The following COMMD6 variants were observed in gnomAD, a reference collection of about 807,000 sequenced individuals.
The protein encoded by COMMD6 is COMM domain containing 6, also known as COMM domain-containing protein 6.
A neutral mutation model predicts 13.4 loss-of-function variants in COMMD6; 11 were observed. That is an observed-to-expected ratio of 0.82 (90% CI 0.52 to 1.36). COMMD6 has a LOEUF of 1.36. COMMD6 is among the 40% of genes most tolerant of loss of function. COMMD6 has a pLI of 0.00. For missense variants in COMMD6, 124 were observed against 102.4 expected (o/e 1.21, Z -0.91); for synonymous variants, 43 against 36.5 (o/e 1.18, Z -0.64).
At chr13:75,527,068 A>G (rs1356662703) in intron 3 of COMMD6, among the ~76,000 whole-genome samples, 1 of 152,214 alleles carries the variant, frequency 6.6e-6, no homozygotes, top group East Asian at 1.9e-4. Flanking sequence ...GAGATCCAAC[A>G]TTAACTATGG....
At chr13:75,534,531 G>T (rs1454105827) in intron 2 of COMMD6, among the ~76,000 whole-genome samples, 1 of 152,092 alleles carries the variant, frequency 6.6e-6, no homozygotes, top group Non-Finnish European at 1.5e-5. Flanking sequence ...AAAAATAAAA[G>T]AATATAAAAG....
upstream of COMMD6, among the ~76,000 whole-genome samples, chr13:75,539,368 T>C (rs545238421): frequency 6.6e-6 from 1 of 152,102 alleles, no homozygotes; most frequent in East Asian, 1.9e-4. Context: ...CCTTTTTGAG[T>C]AGCTGAGATT....
At chr13:75,546,399 G>C (rs1242613983) in intron 1 of COMMD6, among the ~76,000 whole-genome samples, 1 of 152,176 alleles carries the variant, frequency 6.6e-6, no homozygotes, top group Non-Finnish European at 1.5e-5. Context: ...GCTTATTTCA[G>C]TTTAAGGTTG....
rs76020693 is a variant in COMMD6, at chr13:75,530,025, A to G, written c.207+89T>C. On this transcript the variant is annotated intron_variant, in intron 3 of 3. Transcript: ENST00000682242. ...TATCAATCTACAAATAAAAACCATT[A>G]AAGTTTTCCCGTAGAAAGATTTTAT... The G allele has an allele frequency of 1.5e-3, 1,576 of 1,046,830 alleles. 27 individuals carry two copies. In the East Asian group the frequency reaches 0.032, roughly 21 times the overall value. 64.8% of individuals were successfully genotyped at this position (1,046,830 alleles called of 1,614,324 possible).
At chr13:75,545,823 T>C (rs1199818842) in intron 1 of COMMD6, among the ~76,000 whole-genome samples, 1 of 152,170 alleles carries the variant, frequency 6.6e-6, no homozygotes, top group Non-Finnish European at 1.5e-5. Context: ...GTGACTCAGT[T>C]GTTTTTGCAG....
chr13:75,545,423 A>G (rs1360108297), intron 1 of COMMD6, among the ~76,000 whole-genome samples: 1 of 151,972 alleles, frequency 6.6e-6, no homozygotes, highest in Non-Finnish European at 1.5e-5. Context: ...TCACATTTAC[A>G]TCAGGAATTA....
In COMMD6 at chr13:75,525,980, T is replaced by C. The variant is rs1351201695; in HGVS notation, c.*609A>G. 6.6e-6 allele frequency: 1 copy of C among 152,244 alleles called. No individual in the cohort carries two copies. Among genetic ancestry groups the C allele is most frequent in the African/African-American group, 2.4e-5 (1 of 41,472 alleles). The allele number at this position is 152,244 out of a possible 1,614,324, so 9.4% of individuals were successfully genotyped here. A position where few individuals can be genotyped will look rare whatever the true frequency, so the allele number is the denominator to read the frequency against. On this transcript the variant is annotated 3_prime_UTR_variant, in exon 4 of 4. Coordinates refer to ENST00000682242, the MANE Select transcript of COMMD6 (RefSeq NM_203495.4). ...TACAGAACTCAGACTAAAACTCGTC[T>C]TTCCAACTCTGCGTATGTATTTGAA...
chr13:75,542,683 C>T (rs553219627), upstream of COMMD6, among the ~76,000 whole-genome samples: 7 of 152,302 alleles, frequency 4.6e-5, no homozygotes, highest in Admixed American at 2.0e-4. Context: ...AATTAGCTGA[C>T]TTTAAAAGGA....
At chr13:75,539,481 C>T (rs2030788576), upstream of COMMD6, among the ~76,000 whole-genome samples, 2 of 151,994 alleles carry the variant, frequency 1.3e-5, no homozygotes, top group African/African-American at 4.8e-5. Context: ...CTCACGTAAT[C>T]CACCCACCTC....
At chr13:75,531,510 A>G (rs926099855) in intron 2 of COMMD6, among the ~76,000 whole-genome samples, 4 of 61,564 alleles carry the variant, frequency 6.5e-5, no homozygotes, top group Non-Finnish European at 1.3e-4. Flanking sequence ...AAAGGTTAAC[A>G]TCTTTTATAA....
At position 75,526,488 on chromosome 13, in the gene COMMD6, T is replaced by G; in HGVS notation, c.*101A>C. ...AAAAAAATGGAAAAACAAAAGTGCATTTTTCATTCAATAAATGTTCCATCC... is the reference window on the plus strand; with the variant it reads ...AAAAAAATGGAAAAACAAAAGTGCAGTTTTCATTCAATAAATGTTCCATCC... On this transcript the variant is annotated 3_prime_UTR_variant, in exon 4 of 4. Transcript: ENST00000682242. 2.4e-6 allele frequency: 2 copies of G among 827,210 alleles called. No individual in the cohort carries two copies. Among genetic ancestry groups the G allele is most frequent in the Non-Finnish European group, 3.9e-6 (2 of 517,688 alleles). 51.2% of individuals were successfully genotyped at this position (827,210 alleles called of 1,614,324 possible).
intron 2 of COMMD6, among the ~76,000 whole-genome samples, chr13:75,533,199 T>C (rs184202849): frequency 1.6e-4 from 24 of 152,170 alleles, no homozygotes; most frequent in Non-Finnish European, 2.6e-4. Context: ...CCCAAAGTGC[T>C]GGGATTACAG....
chr13:75,541,479 G>A (rs1355500037), upstream of COMMD6, among the ~76,000 whole-genome samples: 1 of 151,914 alleles, frequency 6.6e-6, no homozygotes, highest in Non-Finnish European at 1.5e-5. Context: ...ACAGCCTTAT[G>A]ACTCATGATC....
At position 75,537,819 on chromosome 13, in the gene COMMD6, G is replaced by T. The variant is rs755419276; in HGVS notation, c.-14C>A. 3 of 1,592,600 alleles carry T rather than the reference G, an allele frequency of 1.9e-6. No individual in the cohort carries two copies. The highest frequency in any genetic ancestry group is 2.7e-5 in the African/African-American group (2 of 74,516). On this transcript the variant is annotated 5_prime_UTR_variant, in exon 1 of 4. Coordinates refer to ENST00000682242, the MANE Select transcript of COMMD6 (RefSeq NM_203495.4). ...GGACGCCTCCATGGGCAGCGTCTGG[G>T]ACTTGCGGCCCGGACTCGAGAGAAC...
upstream of COMMD6, chr13:75,538,941 T>C (rs1424731122): frequency 6.6e-6 from 1 of 152,290 alleles, no homozygotes; most frequent in Non-Finnish European, 1.5e-5. Context: ...ATTCAGGTTG[T>C]TGGCAGAGCT....
intron 1 of COMMD6, among the ~76,000 whole-genome samples, chr13:75,548,206 A>G (rs929921086): frequency 6.6e-6 from 1 of 152,218 alleles, no homozygotes; most frequent in African/African-American, 2.4e-5. Flanking sequence ...GAGTCTGGCA[A>G]TGTAACTCTA....
intron 1 of COMMD6, among the ~76,000 whole-genome samples, chr13:75,545,235 C>T (rs1167700186): frequency 6.6e-6 from 1 of 152,172 alleles, no homozygotes; most frequent in Non-Finnish European, 1.5e-5. Context: ...AAGTGAAGTG[C>T]CATGAATGAG....
intron 2 of COMMD6, among the ~76,000 whole-genome samples, chr13:75,531,285 T>C (rs962756198): frequency 1.3e-5 from 2 of 152,198 alleles, no homozygotes; most frequent in Non-Finnish European, 1.5e-5. Flanking sequence ...TTGAGGACTA[T>C]GGTGAGGTAA....
At chr13:75,532,471 C>T in intron 2 of COMMD6, among the ~76,000 whole-genome samples, 1 of 152,182 alleles carries the variant, frequency 6.6e-6, no homozygotes, top group Non-Finnish European at 1.5e-5. Context: ...AGAATAAATG[C>T]TTAATAAATA....
Sources: allele counts gnomAD v4.1 joint callset (sites outside exome capture counted in the v4.1 genomes callset), GRCh38; gene constraint gnomAD v4.1.1; transcripts MANE v1.5; gene names NCBI Gene and HGNC (gene_info 2026-07-23, HGNC 2026-07-21).